The following ERMP1 variants were observed in gnomAD, a reference collection of about 807,000 sequenced individuals.
ERMP1 encodes the protein endoplasmic reticulum metallopeptidase 1, also known as Felix-ina.
Under a neutral mutation model 92.0 loss-of-function variants are expected in ERMP1, and 86 were observed. The observed-to-expected ratio is 0.93, with a 90% CI of 0.79 to 1.12. The LOEUF (loss-of-function observed/expected upper bound fraction) is 1.12. Ranked by LOEUF, ERMP1 falls within the 50% of genes most tolerant of loss-of-function variation. ERMP1 has a pLI of 0.00. For missense variants in ERMP1, 1,342 were observed against 1,116.3 expected, an observed-to-expected ratio of 1.20 and a Z score of -2.88; for synonymous variants, 530 against 412.8, an observed-to-expected ratio of 1.28 and a Z score of -3.44.
intron 2 of ERMP1, among the ~76,000 whole-genome samples, chr9:5,828,578 C>T (rs1829815241): frequency 6.6e-6 from 1 of 152,196 alleles, no homozygotes; most frequent in South Asian, 2.1e-4. Context: ...TTTCCTTTGT[C>T]ACTTCTCTAA....
chr9:5,831,701 A>C (rs1305224043), intron 1 of ERMP1, among the ~76,000 whole-genome samples: 1 of 152,228 alleles, frequency 6.6e-6, no homozygotes, highest in African/African-American at 2.4e-5. Context: ...TAATGACTTT[A>C]AGTAGCAGAA....
chr9:5,840,207 A>C (rs1830144711), intron 6 of ERMP1, among the ~76,000 whole-genome samples: 1 of 152,176 alleles, frequency 6.6e-6, no homozygotes, highest in African/African-American at 2.4e-5. Context: ...ACACCACTGC[A>C]TTCCAGCCTG....
Position 5,799,018 on chromosome 9 carries a change from A to G in ERMP1, c.2068-10T>C, listed in dbSNP as rs190166167. The G allele has an allele frequency of 1.2e-4, 189 of 1,610,054 alleles. No individual in the cohort carries two copies. The African/African-American group carries it at 2.3e-3, about 19-fold the overall frequency. ...ATGTTCTAGTCATATGCTGAAAAAA[A>G]AAGACTAGTGAAAAAACTGTTTCAA... On this transcript the variant is annotated splice_polypyrimidine_tract_variant and intron_variant, in intron 11 of 14. Transcript: ENST00000339450.
In ERMP1 at chr9:5,787,511, G is replaced by C; in HGVS notation, c.2469C>G (p.Val823=). 3 of 1,614,106 alleles carry C rather than the reference G, an allele frequency of 1.9e-6. No homozygotes were observed. Among genetic ancestry groups the C allele is most frequent in the Non-Finnish European group, 2.5e-6 (3 of 1,179,972 alleles). The change falls in exon 14 of 15, where the codon GTC becomes GTG. Residue 823 remains valine, a synonymous_variant. Coordinates refer to ENST00000339450, the MANE Select transcript of ERMP1 (RefSeq NM_024896.3). The part of the protein sequence containing the change: ...SQWSLGNGTP[V]TSKGGDYFVF... ...CAAAGTAGTCTCCTCCTTTACTTGT[G>C]ACTGGGGTGCCATTGCCAAGAGACC... is the stretch of plus-strand genomic sequence containing the variant.
intron 5 of ERMP1, among the ~76,000 whole-genome samples, chr9:5,866,125 T>G (rs1326749703): frequency 6.6e-6 from 1 of 152,186 alleles, no homozygotes; most frequent in Non-Finnish European, 1.5e-5. Context: ...TTTAAACACG[T>G]AGGTGTGCTA....
chr9:5,860,154 A>C (rs1830443407), intron 5 of ERMP1, among the ~76,000 whole-genome samples: 1 of 148,296 alleles, frequency 6.7e-6, no homozygotes, highest in South Asian at 2.2e-4. Context: ...AAAAAGTTTT[A>C]ATTAGCCAGG....
Position 5,787,122 on chromosome 9 carries a change from T to C in ERMP1, c.*22A>G, listed in dbSNP as rs898906082. ...TCACATGGAGTATCCACTGGGCATG[T>C]ACTTAGAGCTCATCCACAAGATTAA... On this transcript the variant is annotated 3_prime_UTR_variant, in exon 15 of 15. Transcript: ENST00000339450. 3 of 1,603,108 alleles carry C rather than the reference T, an allele frequency of 1.9e-6. No homozygotes were observed. The highest frequency in any genetic ancestry group is 2.6e-6 in the Non-Finnish European group (3 of 1,174,294).
Position 5,786,571 on chromosome 9 carries a change from C to G in ERMP1, c.*573G>C, listed in dbSNP as rs894456055. ...GGGTCCAGGCCTCAGCACAGAGAGA[C>G]AAAGCACATTTGAGAGGCTGCCTGA... On this transcript the variant is annotated 3_prime_UTR_variant, in exon 15 of 15. Coordinates refer to ENST00000339450, the MANE Select transcript of ERMP1 (RefSeq NM_024896.3). The G allele has an allele frequency of 1.3e-5, 2 of 154,666 alleles. No homozygotes were observed. Among genetic ancestry groups the G allele is most frequent in the East Asian group, 3.8e-4 (2 of 5,228 alleles). 9.6% of individuals were successfully genotyped at this position (154,666 alleles called of 1,614,324 possible). A position where few individuals can be genotyped will look rare whatever the true frequency, so the allele number is the denominator to read the frequency against.
At chr9:5,823,850 A>T (rs752423665) in intron 4 of ERMP1, 46 bp downstream of exon 4, 1 of 1,329,886 alleles carries the variant, frequency 7.5e-7, no homozygotes, top group South Asian at 1.2e-5. Flanking sequence ...CTACTTTTAC[A>T]AAAACTAGAA....
At chr9:5,812,753 T>C in intron 5 of ERMP1, 136 bp downstream of exon 5, 3 of 956,820 alleles carry the variant, frequency 3.1e-6, no homozygotes, top group Non-Finnish European at 5.0e-6. Flanking sequence ...AAACTCTGTT[T>C]TAGTGAGTCA....
At chr9:5,837,490 G>C (rs1830108038), upstream of ERMP1, among the ~76,000 whole-genome samples, 1 of 152,050 alleles carries the variant, frequency 6.6e-6, no homozygotes, top group Non-Finnish European at 1.5e-5. Context: ...ACAAGTGGAA[G>C]ATATCATAAA....
intron 2 of ERMP1, among the ~76,000 whole-genome samples, chr9:5,827,973 G>A (rs866278177): frequency 3.2e-4 from 48 of 151,846 alleles, no homozygotes; most frequent in African/African-American, 9.4e-4. Context: ...GTGAGACTCC[G>A]CCTCATAAAT....
intron 13 of ERMP1, among the ~76,000 whole-genome samples, chr9:5,789,966 C>T (rs143580689): frequency 7.0e-4 from 107 of 151,988 alleles, no homozygotes; most frequent in African/African-American, 2.5e-3. Context: ...AAGTGAGCCA[C>T]CACACCTGGC....
At chr9:5,817,574 A>C (rs1268616102) in intron 4 of ERMP1, among the ~76,000 whole-genome samples, 1 of 152,260 alleles carries the variant, frequency 6.6e-6, no homozygotes, top group Admixed American at 6.5e-5. Flanking sequence ...GCAGGCAGAT[A>C]CAGAAACATT....
intron 5 of ERMP1, among the ~76,000 whole-genome samples, chr9:5,862,018 A>AGTAT (rs767133821): frequency 1.4e-4 from 21 of 151,768 alleles, no homozygotes; most frequent in African/African-American, 2.9e-4. Flanking sequence ...TTTTAAAAAA[A>AGTAT]GTATGTATGT....
chr9:5,825,075 A>T lies in ERMP1; in HGVS notation c.768+17T>A. 1.9e-6 allele frequency: 3 copies of T among 1,612,278 alleles called. No individual in the cohort carries two copies. The highest frequency in any genetic ancestry group is 2.5e-6 in the Non-Finnish European group (3 of 1,178,480). On this transcript the variant is annotated intron_variant, in intron 3 of 14. Coordinates refer to ENST00000339450, the MANE Select transcript of ERMP1 (RefSeq NM_024896.3). ...CATCCTTATTCAAGCCTGATATTTA[A>T]AACAGTAAAATCTCACTTGCAAGAC...
intron 13 of ERMP1, among the ~76,000 whole-genome samples, chr9:5,792,052 G>A (rs1828219761): frequency 6.6e-6 from 1 of 152,150 alleles, no homozygotes; most frequent in Non-Finnish European, 1.5e-5. Context: ...GTCTGGGTAG[G>A]AGGTAGTACC....
intron 6 of ERMP1, among the ~76,000 whole-genome samples, chr9:5,846,950 A>G (rs1051724307): frequency 6.6e-6 from 1 of 152,326 alleles, no homozygotes. Flanking sequence ...TATGGCAGAC[A>G]GAGACCATTT....
intron 6 of ERMP1, among the ~76,000 whole-genome samples, chr9:5,856,863 C>T (rs556236255): frequency 1.2e-3 from 176 of 152,208 alleles, no homozygotes; most frequent in African/African-American, 4.1e-3. Context: ...CTGAACAAAA[C>T]GTATACATGG....
Sources: allele counts gnomAD v4.1 joint callset (sites outside exome capture counted in the v4.1 genomes callset), GRCh38; gene constraint gnomAD v4.1.1; transcripts MANE v1.5; gene names NCBI Gene and HGNC (gene_info 2026-07-23, HGNC 2026-07-21).